Variants in ZFAT observed in about 807,000 individuals in gnomAD.
The protein encoded by ZFAT is zinc finger and AT-hook domain containing, also known as zinc finger protein ZFAT.
In ZFAT, 64 loss-of-function variants were observed where a neutral mutation model predicts 117.7. The ratio of observed to expected loss-of-function variants is 0.54; its 90% CI spans 0.44 to 0.67. The LOEUF (loss-of-function observed/expected upper bound fraction) is 0.67, where lower values mean the gene tolerates loss of function less well. Ranked by LOEUF, ZFAT falls within the 30% of genes least tolerant of loss-of-function variation. The pLI, the probability that ZFAT is intolerant of heterozygous loss-of-function variation, is 0.00. For synonymous variants in ZFAT, 679 were observed against 615.0 expected (o/e 1.10, Z -1.54); for missense variants, 1,433 against 1,584.5 (o/e 0.90, Z 1.62).
chr8:134,751,194 T>A, the ZFAT span, among the ~76,000 whole-genome samples: 1 of 152,162 alleles, frequency 6.6e-6, no homozygotes, highest in South Asian at 2.1e-4. Flanking sequence ...TTTTGAAACT[T>A]CTCTCCCACT....
the ZFAT span, among the ~76,000 whole-genome samples, chr8:134,830,324 C>A: frequency 6.6e-6 from 1 of 152,214 alleles, no homozygotes; most frequent in East Asian, 1.9e-4. Flanking sequence ...AAAGAGACCT[C>A]ACAGCACAAA....
At chr8:134,815,239 T>C in the ZFAT span, among the ~76,000 whole-genome samples, 1 of 152,220 alleles carries the variant, frequency 6.6e-6, no homozygotes, top group African/African-American at 2.4e-5. Flanking sequence ...CACAAAGCAC[T>C]ATTTTTGAAA....
intron 2 of ZFAT, among the ~76,000 whole-genome samples, chr8:134,638,339 A>G (rs1378422183): frequency 6.6e-6 from 1 of 152,156 alleles, no homozygotes; most frequent in African/African-American, 2.4e-5. Context: ...AAATCATTTT[A>G]CAACTTGTGT....
intron 5 of ZFAT, among the ~76,000 whole-genome samples, chr8:134,605,000 G>A (rs1827776396): frequency 6.6e-6 from 1 of 152,158 alleles, no homozygotes; most frequent in East Asian, 1.9e-4. Flanking sequence ...AGATCTAAAT[G>A]GTCTTAGGAG....
intron 15 of ZFAT, among the ~76,000 whole-genome samples, chr8:134,500,494 C>G (rs1195175553): frequency 6.6e-6 from 1 of 152,164 alleles, no homozygotes; most frequent in African/African-American, 2.4e-5. Context: ...GACCATTTCT[C>G]ATATGGCCAC....
At chr8:134,646,995 C>G (rs1830934153) in intron 2 of ZFAT, among the ~76,000 whole-genome samples, 1 of 152,144 alleles carries the variant, frequency 6.6e-6, no homozygotes, top group African/African-American at 2.4e-5. Flanking sequence ...TCCAGTTTTA[C>G]TCAAGCTCTT....
chr8:134,613,371 C>G (rs755451120), intron 3 of ZFAT, among the ~76,000 whole-genome samples: 5 of 152,222 alleles, frequency 3.3e-5, no homozygotes, highest in Admixed American at 2.6e-4. Context: ...CGCGTCCGGA[C>G]TCTGCTTTAG....
At chr8:134,491,920 G>A (rs1818083371) in intron 15 of ZFAT, among the ~76,000 whole-genome samples, 1 of 152,186 alleles carries the variant, frequency 6.6e-6, no homozygotes, top group Admixed American at 6.5e-5. Flanking sequence ...GTATAGTCAT[G>A]TCTGAATATT....
At chr8:134,599,814 G>C in intron 7 of ZFAT, 1 of 454,460 alleles carries the variant, frequency 2.2e-6, no homozygotes. Context: ...ATTAGAATTT[G>C]CAAAAATAAG....
the ZFAT span, chr8:134,765,088 A>T: frequency 3.3e-5 from 5 of 152,252 alleles, no homozygotes; most frequent in African/African-American, 4.8e-5. Flanking sequence ...ACTAGGTAGG[A>T]TGTATACAGC....
chr8:134,794,509 A>G, the ZFAT span: 2 of 152,236 alleles, frequency 1.3e-5, no homozygotes, highest in African/African-American at 4.8e-5. Flanking sequence ...ATCCCTGTAC[A>G]ACCTGGACCG....
At chr8:134,643,151 T>C (rs1036965936) in intron 2 of ZFAT, among the ~76,000 whole-genome samples, 5 of 152,270 alleles carry the variant, frequency 3.3e-5, no homozygotes, top group African/African-American at 4.8e-5. Context: ...GGCATTAGTA[T>C]GATCCCCATC....
chr8:134,680,166 G>A (rs573122481), intron 1 of ZFAT, among the ~76,000 whole-genome samples: 4 of 151,278 alleles, frequency 2.6e-5, no homozygotes, highest in African/African-American at 7.3e-5. Flanking sequence ...GGAGGCTGAG[G>A]CAGGAGAATC....
chr8:134,824,840 C>A, the ZFAT span, among the ~76,000 whole-genome samples: 1 of 152,168 alleles, frequency 6.6e-6, no homozygotes, highest in African/African-American at 2.4e-5. Context: ...CATTTTCTAA[C>A]CTAAAAGTCA....
At chr8:134,826,122 G>A in the ZFAT span, among the ~76,000 whole-genome samples, 1 of 152,068 alleles carries the variant, frequency 6.6e-6, no homozygotes, top group East Asian at 1.9e-4. Context: ...CGAACACTTG[G>A]CAATCAGTTC....
intron 1 of ZFAT, among the ~76,000 whole-genome samples, chr8:134,671,595 G>A (rs1390318048): frequency 6.6e-6 from 1 of 152,142 alleles, no homozygotes; most frequent in Non-Finnish European, 1.5e-5. Context: ...GTATTGATGG[G>A]ACGTATCTCA....
At chr8:134,506,678 AATTAAC>A (rs1241094391) in intron 15 of ZFAT, among the ~76,000 whole-genome samples, 2 of 152,226 alleles carry the variant, frequency 1.3e-5, no homozygotes, top group East Asian at 1.9e-4. Flanking sequence ...GATTCTTTTC[AATTAAC>A]ATTAACAAGT....
chr8:134,647,970 T>C (rs1340685891), intron 2 of ZFAT, among the ~76,000 whole-genome samples: 2 of 152,104 alleles, frequency 1.3e-5, no homozygotes, highest in Admixed American at 1.3e-4. Flanking sequence ...AGGTAAAGCA[T>C]GATGACTATA....
intron 14 of ZFAT, 79 bp from the exon 15 acceptor site, chr8:134,509,828 T>C (rs1819682385): frequency 4.0e-6 from 6 of 1,513,822 alleles, no homozygotes; most frequent in South Asian, 2.6e-5. Context: ...AGCCTGTCTG[T>C]TCTCTCGGGT....
Sources: allele counts gnomAD v4.1 joint callset (sites outside exome capture counted in the v4.1 genomes callset), GRCh38; gene constraint gnomAD v4.1.1; transcripts MANE v1.5; gene names NCBI Gene and HGNC (gene_info 2026-07-23, HGNC 2026-07-21).